The following CHST11 variants were observed in gnomAD, a reference collection of about 807,000 sequenced individuals.
CHST11 encodes the protein C4S-1.
Under a neutral mutation model 30.4 loss-of-function variants are expected in CHST11, and 9 were observed. That is an observed-to-expected ratio of 0.30 (90% CI 0.18 to 0.52). The LOEUF is 0.52. Among genes scored for constraint, CHST11 ranks in the 20% least tolerant of loss-of-function variants. The pLI is 0.97. For synonymous variants in CHST11, 152 were observed against 187.8 expected (o/e 0.81, Z 1.56); for missense variants, 348 against 460.6 (o/e 0.76, Z 2.24).
chr12:104,671,247 C>T (rs912429826), intron 2 of CHST11, among the ~76,000 whole-genome samples: 1 of 152,182 alleles, frequency 6.6e-6, no homozygotes, highest in Non-Finnish European at 1.5e-5. Flanking sequence ...CGGCTTCTTG[C>T]TGCGCCCGTG....
chr12:104,755,589 C>T (rs1020173289), intron 2 of CHST11, among the ~76,000 whole-genome samples: 1 of 152,052 alleles, frequency 6.6e-6, no homozygotes, highest in South Asian at 2.1e-4. Flanking sequence ...AGTTTGAGAC[C>T]AGCCTGACCA....
At chr12:104,607,372 A>G (rs2039015809) in intron 2 of CHST11, among the ~76,000 whole-genome samples, 1 of 152,196 alleles carries the variant, frequency 6.6e-6, no homozygotes, top group Admixed American at 6.5e-5. Context: ...GCAATGCTTG[A>G]CAAAATGTGT....
At chr12:104,754,348 G>T (rs571930385) in intron 2 of CHST11, among the ~76,000 whole-genome samples, 1 of 152,316 alleles carries the variant, frequency 6.6e-6, no homozygotes, top group Admixed American at 6.5e-5. Flanking sequence ...ACCTGCCACA[G>T]CTCTGTGGGT....
chr12:104,722,155 A>AGT (rs57545833), intron 2 of CHST11, among the ~76,000 whole-genome samples: 5,723 of 137,532 alleles, frequency 0.042, 197 homozygotes, highest in African/African-American at 0.089. Context: ...CACTCAGCTA[A>AGT]GTGTGTGTGT....
intron 2 of CHST11, among the ~76,000 whole-genome samples, chr12:104,626,849 T>C (rs7304402): frequency 0.3 from 45,265 of 151,920 alleles, 7,090 homozygotes; most frequent in African/African-American, 0.38. Flanking sequence ...GATGAACCTG[T>C]ATTGACATGT....
intron 2 of CHST11, among the ~76,000 whole-genome samples, chr12:104,645,061 C>A (rs1016226162): frequency 6.6e-6 from 1 of 152,176 alleles, no homozygotes; most frequent in Non-Finnish European, 1.5e-5. Context: ...CATTCTCCTG[C>A]CTCAGCCTCC....
At chr12:104,746,359 T>A (rs946631995) in intron 2 of CHST11, among the ~76,000 whole-genome samples, 3 of 152,222 alleles carry the variant, frequency 2.0e-5, no homozygotes, top group Non-Finnish European at 4.4e-5. Context: ...CCTTTCTCAT[T>A]GCTCAGCAAA....
chr12:104,540,852 C>T (rs985867953), intron 1 of CHST11, among the ~76,000 whole-genome samples: 4 of 152,118 alleles, frequency 2.6e-5, no homozygotes, highest in Non-Finnish European at 5.9e-5. Flanking sequence ...CTTACCTGAT[C>T]GTGTGTGGAT....
chr12:104,663,794 A>G (rs2136089906), intron 2 of CHST11, among the ~76,000 whole-genome samples: 1 of 152,260 alleles, frequency 6.6e-6, no homozygotes, highest in South Asian at 2.1e-4. Flanking sequence ...TCTTTAGCCC[A>G]TTTAAGGTAC....
intron 1 of CHST11, among the ~76,000 whole-genome samples, chr12:104,487,406 C>G (rs1421617972): frequency 1.3e-5 from 2 of 152,108 alleles, no homozygotes; most frequent in Admixed American, 1.3e-4. Flanking sequence ...GGACTACAGG[C>G]ACATGCCACC....
intron 1 of CHST11, among the ~76,000 whole-genome samples, chr12:104,517,654 A>T (rs750494778): frequency 6.6e-6 from 1 of 152,162 alleles, no homozygotes; most frequent in Non-Finnish European, 1.5e-5. Context: ...TCTAGATGCC[A>T]TCACCCTCAC....
At chr12:104,511,097 G>A (rs143271516) in intron 1 of CHST11, among the ~76,000 whole-genome samples, 73 of 152,310 alleles carry the variant, frequency 4.8e-4, no homozygotes, top group Non-Finnish European at 9.3e-4. Context: ...AGAAAGATAA[G>A]GTGGACAAAA....
chr12:104,617,212 G>C (rs2039116094), intron 2 of CHST11, among the ~76,000 whole-genome samples: 1 of 152,204 alleles, frequency 6.6e-6, no homozygotes, highest in Non-Finnish European at 1.5e-5. Flanking sequence ...AGCCTGGGTG[G>C]TGTCCCTGGA....
chr12:104,552,771 C>T (rs955623665), intron 1 of CHST11: 1 of 152,176 alleles, frequency 6.6e-6, no homozygotes, highest in African/African-American at 2.4e-5. Flanking sequence ...TTTTGTATTT[C>T]TCTCTGTCTC....
intron 2 of CHST11, among the ~76,000 whole-genome samples, chr12:104,754,011 T>C (rs2040455246): frequency 6.6e-6 from 1 of 152,244 alleles, no homozygotes; most frequent in Non-Finnish European, 1.5e-5. Context: ...AGCCCAGGCC[T>C]CTTTGCACAT....
At chr12:104,608,047 C>T (rs867618898) in intron 2 of CHST11, among the ~76,000 whole-genome samples, 21 of 152,172 alleles carry the variant, frequency 1.4e-4, no homozygotes, top group Admixed American at 1.2e-3. Context: ...ATGACCAGTG[C>T]GCAGGCCTCA....
rs78995497 is a variant in CHST11 at position 104,619,669 on chromosome 12, G to T, written c.204+17678G>T. 6.1e-3 allele frequency among the ~76,000 whole-genome samples: 925 copies of T among 152,294 alleles called. 11 individuals carry two copies. The highest frequency in any genetic ancestry group is 0.021 in the African/African-American group (871 of 41,550). ...AACAAGCACTGGGAGAGGCTGGAGTGGGGGCTGCTTATCTGGGGGCTGCCC... is the reference window on the plus strand; with the variant it reads ...AACAAGCACTGGGAGAGGCTGGAGTTGGGGCTGCTTATCTGGGGGCTGCCC... On this transcript the variant is annotated intron_variant, in intron 2 of 2. Transcript: ENST00000303694.
chr12:104,625,723 G>C (rs543521581), intron 2 of CHST11, among the ~76,000 whole-genome samples: 2 of 152,336 alleles, frequency 1.3e-5, no homozygotes, highest in East Asian at 3.9e-4. Flanking sequence ...GGTGCCCTGG[G>C]AGTTGAAATT....
Position 104,468,022 on chromosome 12 carries a change from G to A in CHST11, c.118+10493G>A, listed in dbSNP as rs1291496347. ...CTGTTCTAGGTGTAGAATCAAACAGGTGAAAATCCATGTCCTCATGGAACA... is the reference window on the plus strand; with the variant it reads ...CTGTTCTAGGTGTAGAATCAAACAGATGAAAATCCATGTCCTCATGGAACA... On this transcript the variant is annotated intron_variant, in intron 1 of 2. Transcript: ENST00000303694. Among the ~76,000 whole-genome samples the A allele has an allele frequency of 2.0e-5, 3 of 152,208 alleles. No individual in the cohort carries two copies. In the East Asian group the frequency reaches 5.8e-4, roughly 29 times the overall value.
Sources: allele counts gnomAD v4.1 joint callset (sites outside exome capture counted in the v4.1 genomes callset), GRCh38; gene constraint gnomAD v4.1.1; transcripts MANE v1.5; gene names NCBI Gene and HGNC (gene_info 2026-07-23, HGNC 2026-07-21).